HTR3E: variants seen among roughly 807,000 people sequenced by gnomAD.
HTR3E encodes the protein 5-hydroxytryptamine (serotonin) receptor 3, family member E.
In HTR3E, 38 loss-of-function variants were observed where a neutral mutation model predicts 38.0. The ratio of observed to expected loss-of-function variants is 1.00; its 90% CI spans 0.77 to 1.31. The LOEUF is 1.31. HTR3E is among the 50% of genes most tolerant of loss of function. The pLI, the probability that HTR3E is intolerant of heterozygous loss-of-function variation, is 0.00. For missense variants in HTR3E, 547 were observed against 585.2 expected, an observed-to-expected ratio of 0.93 and a Z score of 0.67; for synonymous variants, 210 against 232.9, an observed-to-expected ratio of 0.90 and a Z score of 0.89.
chr3:184,097,768 G>C (rs978783013), intron 1 of HTR3E, among the ~76,000 whole-genome samples, 172 bp downstream of exon 1: 2 of 152,068 alleles, frequency 1.3e-5, no homozygotes, highest in African/African-American at 4.8e-5. Context: ...TCTGAAAGAC[G>C]GAAAATCCCC....
At chr3:184,104,743 G>A (rs1170189075) in intron 4 of HTR3E, 44 bp from the exon 5 acceptor site, 9 of 1,296,704 alleles carry the variant, frequency 6.9e-6, no homozygotes, top group South Asian at 2.8e-5. Flanking sequence ...AAAAAAGAGA[G>A]AGAGAAACTG....
In HTR3E at chr3:184,105,427, T is replaced by C; in HGVS notation, c.720T>C (p.Tyr240=). Residue 240 remains tyrosine, a splice_region_variant and synonymous_variant, in exon 6 of 9, where the codon TAT becomes TAC. Transcript: ENST00000415389. The part of the protein sequence containing the change: ...GGNLYDQIVF[Y]VAIRRRPSLY... ...ACCTGTATGATCAGATCGTGTTCTA[T>C]GTGAGCTTGGAGGCTCTTACTCTTT... 2.5e-6 allele frequency: 4 copies of C among 1,602,260 alleles called. No homozygotes were observed. The highest frequency in any genetic ancestry group is 3.4e-6 in the Non-Finnish European group (4 of 1,175,384).
Position 184,104,933 on chromosome 3 carries a change from C to A in HTR3E, c.536C>A (p.Thr179Asn), listed in dbSNP as rs760307235. ...TTCGACCAGCAGAACTGCACACTCA[C>A]CTTCAGCTCATTCCTCTACACAGGT... ...FPFDQQNCTLTFSSFLYTVDS... is the reference protein window; with the variant it reads ...FPFDQQNCTLNFSSFLYTVDS... Residue 179 changes from threonine to asparagine, a missense_variant, in exon 5 of 9, where the codon ACC becomes AAC. Coordinates refer to ENST00000415389, the MANE Select transcript of HTR3E (RefSeq NM_001256613.2). 3.1e-6 allele frequency: 5 copies of A among 1,613,912 alleles called. No individual in the cohort carries two copies. The highest frequency in any genetic ancestry group is 4.2e-6 in the Non-Finnish European group (5 of 1,179,938).
Position 184,105,797 on chromosome 3 carries a change from C to T in HTR3E, c.753C>T (p.Val251=). 6.2e-7 allele frequency: 1 copy of T among 1,614,180 alleles called. No homozygotes were observed. Among genetic ancestry groups the T allele is most frequent in the African/African-American group, 1.3e-5 (1 of 75,046 alleles). Residue 251 remains valine (V), a synonymous_variant, in exon 7 of 9, where the codon GTC becomes GTT. Transcript: ENST00000415389. ...TCAGGCGCAGGCCCAGTCTCTATGT[C>T]ATAAACCTTCTCGTGCCCAGTGGCT... The part of the protein sequence containing the change: ...VAIRRRPSLY[V]INLLVPSGFL...
intron 1 of HTR3E, among the ~76,000 whole-genome samples, chr3:184,099,382 G>C (rs181735147): frequency 5.9e-5 from 9 of 152,044 alleles, no homozygotes; most frequent in Non-Finnish European, 1.3e-4. Flanking sequence ...AGAGTGAGTC[G>C]CTGTCTCAAA....
In HTR3E at chr3:184,106,771, G is replaced by A; in HGVS notation, c.*78G>A. On this transcript the variant is annotated 3_prime_UTR_variant, in exon 9 of 9. Coordinates refer to ENST00000415389, the MANE Select transcript of HTR3E (RefSeq NM_001256613.2). This position sits in a 1 kb window ranked among gnomAD's most constrained non-coding sequence, Gnocchi z 4.1. ...TGGCCAGGTCTCCCCCCTTTCCTGA[G>A]TACCAACTATCATATCCCCAAAGAT... is the stretch of plus-strand genomic sequence containing the variant. The A allele has an allele frequency of 7.1e-7, 1 of 1,401,542 alleles. No individual in the cohort carries two copies. The highest frequency in any genetic ancestry group is 1.0e-6 in the Non-Finnish European group (1 of 1,004,788). 86.8% of individuals were successfully genotyped at this position (1,401,542 alleles called of 1,614,324 possible).
intron 1 of HTR3E, among the ~76,000 whole-genome samples, chr3:184,098,656 T>C (rs1711792520): frequency 6.6e-6 from 1 of 152,234 alleles, no homozygotes; most frequent in Admixed American, 6.5e-5. Flanking sequence ...TCAATGTCCT[T>C]GGCACAGAGG....
chr3:184,106,790 C>A lies in HTR3E; in HGVS notation c.*97C>A. ...TCCTGAGTACCAACTATCATATCCC[C>A]AAAGATGACTGAGTCTCTGCTGTAT... On this transcript the variant is annotated 3_prime_UTR_variant, in exon 9 of 9. Transcript: ENST00000415389. The surrounding 1 kb of genome is among the most constrained non-coding windows in gnomAD (Gnocchi z 4.1). 2 of 1,207,320 alleles carry A rather than the reference C, an allele frequency of 1.7e-6. No individual in the cohort carries two copies. The highest frequency in any genetic ancestry group is 2.4e-6 in the Non-Finnish European group (2 of 838,934). The allele number at this position is 1,207,320 out of a possible 1,614,324, so 74.8% of individuals were successfully genotyped here.
chr3:184,103,215 T>C (rs1461393203), intron 3 of HTR3E, among the ~76,000 whole-genome samples: 1 of 151,496 alleles, frequency 6.6e-6, no homozygotes, highest in Non-Finnish European at 1.5e-5. Flanking sequence ...GGCTTGGTGG[T>C]TCACACCTAT....
chr3:184,103,859 A>C (rs1364926542), intron 3 of HTR3E, among the ~76,000 whole-genome samples: 1 of 152,008 alleles, frequency 6.6e-6, no homozygotes, highest in African/African-American at 2.4e-5. Flanking sequence ...CTTGGAGGAA[A>C]GGAAGGAAGG....
rs766075426 is a variant in HTR3E at position 184,100,519 on chromosome 3, G to C, written c.102G>C (p.Gly34=). The C allele has an allele frequency of 6.2e-7, 1 of 1,614,046 alleles. No individual in the cohort carries two copies. The highest frequency in any genetic ancestry group is 8.5e-7 in the Non-Finnish European group (1 of 1,180,030). The part of the protein sequence containing the change: ...RGVTFTINCS[G]FGQHGADPTA... ...TTACTTTCACCATCAATTGCTCAGG[G>C]TTTGGCCAGCACGGGGCGGATCCCA... The change falls in exon 2 of 9, where the codon GGG becomes GGC. Residue 34 remains glycine, a synonymous_variant. Transcript: ENST00000415389.
At chr3:184,100,769 A>ATT in intron 2 of HTR3E, 118 bp downstream of exon 2, 1 of 1,423,408 alleles carries the variant, frequency 7.0e-7, no homozygotes, top group Non-Finnish European at 9.5e-7. Flanking sequence ...GCTGGATGGC[A>ATT]TTTGCCTGGC....
chr3:184,097,618 G>T (rs1711732998), intron 1 of HTR3E, 22 bp downstream of exon 1: 2 of 1,523,320 alleles, frequency 1.3e-6, no homozygotes, highest in Non-Finnish European at 1.8e-6. Flanking sequence ...GCAATGATGG[G>T]GGAAGGCGGA....
chr3:184,104,990 A>G (rs758265877), intron 5 of HTR3E, 34 bp downstream of exon 5: 5 of 1,576,834 alleles, frequency 3.2e-6, no homozygotes, highest in Middle Eastern at 1.7e-4. Flanking sequence ...GATGGGGTGA[A>G]TGAGAGCAAC....
At position 184,106,578 on chromosome 3, in the gene HTR3E, A is replaced by G. The variant is rs766263298; in HGVS notation, c.1256A>G (p.His419Arg). 1.9e-6 allele frequency: 3 copies of G among 1,614,100 alleles called. No individual in the cohort carries two copies. In the East Asian group the frequency reaches 6.7e-5, roughly 36 times the overall value. The change falls in exon 9 of 9, where the codon CAC becomes CGC. Residue 419 changes from histidine to arginine, a missense_variant. Physicochemically the swap from His to Arg is conservative, Grantham distance 29 (BLOSUM62 0). Coordinates refer to ENST00000415389, the MANE Select transcript of HTR3E (RefSeq NM_001256613.2). The surrounding 1 kb of genome is among the most constrained non-coding windows in gnomAD (Gnocchi z 4.1). The stretch of plus-strand genomic sequence containing the variant: ...CGGGAACACGAGGCCCAGAAGCAGC[A>G]CTCAGTGGAGCTGTGGTTGCAGTTC... ...AQREHEAQKQ[H>R]SVELWLQFSH...
At chr3:184,099,901 G>C (rs10937162) in intron 1 of HTR3E, among the ~76,000 whole-genome samples, 72,578 of 151,856 alleles carry the variant, frequency 0.48, 17,709 homozygotes, top group East Asian at 0.7. Flanking sequence ...GGGGCCCCGG[G>C]ACTGTAATCC....
intron 3 of HTR3E, among the ~76,000 whole-genome samples, chr3:184,101,982 T>C (rs1712076957): frequency 6.6e-6 from 1 of 151,840 alleles, no homozygotes; most frequent in African/African-American, 2.4e-5. Context: ...AGAGTGAGAC[T>C]CTATCTCAAA....
At chr3:184,102,216 A>T (rs959825031) in intron 3 of HTR3E, among the ~76,000 whole-genome samples, 1 of 152,146 alleles carries the variant, frequency 6.6e-6, no homozygotes, top group African/African-American at 2.4e-5. Flanking sequence ...TAATCCCAGC[A>T]CTTTGGGAGG....
At position 184,106,069 on chromosome 3, in the gene HTR3E, G is replaced by A; in HGVS notation, c.926-59G>A. Reference sequence around the variant, plus strand: ...GCCGTATGCCTGCCAGGGTGGGATTGGAAGAGAAGAAATTCTAGGTGGTGC... The same window carrying A: ...GCCGTATGCCTGCCAGGGTGGGATTAGAAGAGAAGAAATTCTAGGTGGTGC... On this transcript the variant is annotated intron_variant, in intron 7 of 8. Coordinates refer to ENST00000415389, the MANE Select transcript of HTR3E (RefSeq NM_001256613.2). This position sits in a 1 kb window ranked among gnomAD's most constrained non-coding sequence, Gnocchi z 4.1. The A allele has an allele frequency of 6.3e-7, 1 of 1,590,836 alleles. No homozygotes were observed. The highest frequency in any genetic ancestry group is 8.6e-7 in the Non-Finnish European group (1 of 1,163,870).
Sources: allele counts gnomAD v4.1 joint callset (sites outside exome capture counted in the v4.1 genomes callset), GRCh38; gene constraint gnomAD v4.1.1; non-coding constraint Gnocchi (gnomAD v3.1); transcripts MANE v1.5; gene names NCBI Gene and HGNC (gene_info 2026-07-23, HGNC 2026-07-21).